The following LHFPL1 variants were observed in gnomAD, a reference collection of about 807,000 sequenced individuals.
LHFPL1 encodes the protein LHFPL tetraspan subfamily member 1.
LHFPL1 carries 4 observed loss-of-function variants against 12.1 expected under a neutral mutation model. That is an observed-to-expected ratio of 0.33 (90% confidence interval 0.16 to 0.76). The LOEUF is 0.76. LHFPL1 is among the 30% of genes least tolerant of loss of function. The pLI, the probability that LHFPL1 is intolerant of heterozygous loss-of-function variation, is 0.61. For synonymous variants in LHFPL1, 52 were observed against 61.9 expected, an observed-to-expected ratio of 0.84 and a Z score of 0.75; for missense variants, 141 against 174.1, an observed-to-expected ratio of 0.81 and a Z score of 1.07.
intron 3 of LHFPL1, among the ~76,000 whole-genome samples, chrX:112,635,394 C>G (rs1238728559): frequency 2.7e-5 from 3 of 112,184 alleles, no homozygotes; most frequent in Non-Finnish European, 3.8e-5. Flanking sequence ...ATTTGACTGC[C>G]AGACCTAACT....
chrX:112,670,004 T>C (rs1000791561), intron 2 of LHFPL1, among the ~76,000 whole-genome samples: 1 of 111,584 alleles, frequency 9.0e-6, no homozygotes, highest in African/African-American at 3.3e-5. Context: ...ATAGGAAAAG[T>C]CATGTCATTT....
At chrX:112,665,253 C>T (rs1931298760) in intron 2 of LHFPL1, among the ~76,000 whole-genome samples, 1 of 107,804 alleles carries the variant, frequency 9.3e-6, no homozygotes, top group African/African-American at 3.4e-5. Flanking sequence ...TACAATGGCA[C>T]GATCTCCGCT....
chrX:112,673,143 T>C (rs1931557590), intron 1 of LHFPL1, among the ~76,000 whole-genome samples: 1 of 111,956 alleles, frequency 8.9e-6, no homozygotes, highest in South Asian at 3.8e-4. Flanking sequence ...TATTTGATTC[T>C]TAATATAATG....
chrX:112,645,413 C>T (rs1930656467), intron 3 of LHFPL1, among the ~76,000 whole-genome samples: 1 of 111,326 alleles, frequency 9.0e-6, no homozygotes, highest in African/African-American at 3.3e-5. Flanking sequence ...ATTTTAACAA[C>T]TGGTATCAGG....
intron 1 of LHFPL1, among the ~76,000 whole-genome samples, chrX:112,672,296 C>A (rs1439031555): frequency 8.9e-6 from 1 of 111,857 alleles, no homozygotes; most frequent in Non-Finnish European, 1.9e-5. Flanking sequence ...GCTGTAAGGA[C>A]CTTTCAAGGT....
At chrX:112,657,162 C>T (rs1483182707) in intron 3 of LHFPL1, among the ~76,000 whole-genome samples, 2 of 112,016 alleles carry the variant, frequency 1.8e-5, no homozygotes, top group Non-Finnish European at 3.8e-5. Context: ...AAGCATAAAA[C>T]AATTCTGTGT....
At chrX:112,673,612 T>C (rs1006951410) in intron 1 of LHFPL1, among the ~76,000 whole-genome samples, 1 of 111,825 alleles carries the variant, frequency 8.9e-6, no homozygotes, top group African/African-American at 3.3e-5. Flanking sequence ...CATTATTATA[T>C]GTGCTCTGCC....
At chrX:112,678,005 G>A (rs1379344870) in intron 1 of LHFPL1, among the ~76,000 whole-genome samples, 4 of 110,288 alleles carry the variant, frequency 3.6e-5, no homozygotes, top group African/African-American at 1.3e-4. Flanking sequence ...TCCATCCAGA[G>A]GTGGGAATGC....
intron 2 of LHFPL1, among the ~76,000 whole-genome samples, chrX:112,666,806 TA>T (rs1931348947): frequency 9.0e-6 from 1 of 111,709 alleles, no homozygotes; most frequent in Non-Finnish European, 1.9e-5. Flanking sequence ...GCACCCCAGG[TA>T]ATTCTTAATC....
intron 3 of LHFPL1, among the ~76,000 whole-genome samples, chrX:112,658,719 C>T (rs961240285): frequency 2.7e-5 from 3 of 111,460 alleles, no homozygotes; most frequent in African/African-American, 9.8e-5. Flanking sequence ...GAAAGCCTGG[C>T]AGTTCCTCAA....
chrX:112,634,421 C>T (rs762490365), intron 3 of LHFPL1, among the ~76,000 whole-genome samples: 16 of 111,345 alleles, frequency 1.4e-4, no homozygotes, highest in Non-Finnish European at 1.5e-4. Context: ...CTGAGGTGGG[C>T]CCATTGCCAA....
intron 3 of LHFPL1, among the ~76,000 whole-genome samples, chrX:112,647,884 T>C (rs1225871565): frequency 5.4e-5 from 6 of 111,942 alleles, no homozygotes; most frequent in Non-Finnish European, 5.6e-5. Context: ...CCTATGTTTA[T>C]TGCAGCATTA....
intron 1 of LHFPL1, among the ~76,000 whole-genome samples, chrX:112,677,409 GGAACGT>G: frequency 9.0e-6 from 1 of 111,317 alleles, no homozygotes; most frequent in Middle Eastern, 4.6e-3. Flanking sequence ...TGTTGGCAAA[GGAACGT>G]GAACAGGCCT....
chrX:112,665,184 T>C (rs1239588261), intron 2 of LHFPL1, among the ~76,000 whole-genome samples: 1 of 85,846 alleles, frequency 1.2e-5, no homozygotes, highest in African/African-American at 4.3e-5. Context: ...AGTCTGTCTC[T>C]TTTTTTTTTT....
At chrX:112,644,453 T>TTG (rs111620839) in intron 3 of LHFPL1, among the ~76,000 whole-genome samples, 1,771 of 104,726 alleles carry the variant, frequency 0.017, 36 homozygotes, top group African/African-American at 0.048. Context: ...TTTCTCCTGT[T>TTG]TGTGTGTGTG....
intron 3 of LHFPL1, among the ~76,000 whole-genome samples, chrX:112,657,764 A>G (rs1931049869): frequency 9.0e-6 from 1 of 111,226 alleles, no homozygotes; most frequent in Admixed American, 9.6e-5. Context: ...TATATCTCAT[A>G]CCACTTTCAA....
intron 3 of LHFPL1, among the ~76,000 whole-genome samples, chrX:112,637,243 A>G (rs5929422): frequency 9.0e-6 from 1 of 111,223 alleles, no homozygotes; most frequent in Admixed American, 9.5e-5. Flanking sequence ...ATCAAATTGG[A>G]TTGGAATTTG....
intron 3 of LHFPL1, among the ~76,000 whole-genome samples, chrX:112,656,560 A>G (rs939637745): frequency 8.9e-6 from 1 of 111,823 alleles, no homozygotes; most frequent in Non-Finnish European, 1.9e-5. Flanking sequence ...CAGATTGGAA[A>G]GGAAGAAGTA....
At chrX:112,631,835 T>C (rs1323793715) in intron 3 of LHFPL1, among the ~76,000 whole-genome samples, 2 of 111,781 alleles carry the variant, frequency 1.8e-5, no homozygotes, top group African/African-American at 6.5e-5. Context: ...TTTTATTTTT[T>C]TGTTAGAGTA....
Sources: allele counts gnomAD v4.1 joint callset (sites outside exome capture counted in the v4.1 genomes callset), GRCh38; gene constraint gnomAD v4.1.1; transcripts MANE v1.5; gene names NCBI Gene and HGNC (gene_info 2026-07-23, HGNC 2026-07-21).